Variants in CGNL1 observed in about 807,000 individuals in gnomAD.
CGNL1 encodes cingulin-like protein 1.
In CGNL1, 132 loss-of-function variants were observed where a neutral mutation model predicts 141.2. The ratio of observed to expected loss-of-function variants is 0.93; its 90% CI spans 0.81 to 1.08. The LOEUF (loss-of-function observed/expected upper bound fraction) is 1.08. Among genes scored for constraint, CGNL1 ranks in the 50% least tolerant of loss-of-function variants. CGNL1 has a pLI of 0.00. For synonymous variants in CGNL1, 690 were observed against 622.1 expected (o/e 1.11, Z -1.63); for missense variants, 1,870 against 1,588.6 (o/e 1.18, Z -3.01).
intron 4 of CGNL1, among the ~76,000 whole-genome samples, chr15:57,446,439 G>GAATTTTACATACATAA (rs1360753882): frequency 6.6e-6 from 1 of 151,926 alleles, no homozygotes; most frequent in East Asian, 1.9e-4. Flanking sequence ...TGCCTTTCTT[G>GAATTTTACATACATAA]AATTTTACAT....
intron 8 of CGNL1, among the ~76,000 whole-genome samples, chr15:57,467,970 A>G (rs2063530812): frequency 6.6e-6 from 1 of 152,170 alleles, no homozygotes. Flanking sequence ...GATTACAGGC[A>G]TGAGCCACCA....
chr15:57,438,419 TC>T lies in CGNL1; in HGVS notation c.421del (p.His141ThrfsTer3). ...DRKDGSVKPS[H>X]LLNFQRHPEL... Reference sequence around the variant, plus strand: ...GCAAAGACGGGTCTGTGAAGCCATCTCACCTGCTGAACTTTCAGAGGCATCC... The same window carrying T: ...GCAAAGACGGGTCTGTGAAGCCATCTACCTGCTGAACTTTCAGAGGCATCC... On this transcript the variant is annotated frameshift_variant, in exon 2 of 19. Coordinates refer to ENST00000281282, the MANE Select transcript of CGNL1 (RefSeq NM_032866.5). LOFTEE classifies it high-confidence loss of function. The T allele has an allele frequency of 6.2e-7, 1 of 1,614,178 alleles. No homozygotes were observed. The highest frequency in any genetic ancestry group is 8.5e-7 in the Non-Finnish European group (1 of 1,180,030).
intron 8 of CGNL1, among the ~76,000 whole-genome samples, chr15:57,480,603 A>T (rs2063713481): frequency 6.6e-6 from 1 of 152,226 alleles, no homozygotes; most frequent in African/African-American, 2.4e-5. Flanking sequence ...GGGGGAAAAT[A>T]CCATAGTCCA....
intron 8 of CGNL1, among the ~76,000 whole-genome samples, chr15:57,474,003 C>A (rs377200411): frequency 6.7e-6 from 1 of 149,102 alleles, no homozygotes; most frequent in Non-Finnish European, 1.5e-5. Flanking sequence ...CTCTCCCTCC[C>A]GGGTTCAAGC....
At chr15:57,485,499 A>C (rs1027211091) in intron 8 of CGNL1, among the ~76,000 whole-genome samples, 1 of 152,342 alleles carries the variant, frequency 6.6e-6, no homozygotes, top group Middle Eastern at 3.4e-3. Flanking sequence ...GAGTTATACA[A>C]AAAATAGGAA....
chr15:57,424,075 G>A (rs1375839124), intron 1 of CGNL1, among the ~76,000 whole-genome samples: 6 of 152,148 alleles, frequency 3.9e-5, no homozygotes, highest in East Asian at 1.9e-4. Context: ...TCAGGCCCAC[G>A]ACACCCTGTG....
intron 4 of CGNL1, among the ~76,000 whole-genome samples, chr15:57,448,726 C>T (rs1245036133): frequency 6.6e-6 from 1 of 151,670 alleles, no homozygotes; most frequent in Non-Finnish European, 1.5e-5. Context: ...ATTTGTAGTC[C>T]TTATCTGTTA....
intron 8 of CGNL1, among the ~76,000 whole-genome samples, chr15:57,516,240 C>T (rs181605719): frequency 2.0e-5 from 3 of 151,240 alleles, no homozygotes; most frequent in African/African-American, 4.9e-5. Flanking sequence ...TGTCAGAAAG[C>T]GAGGGTTATG....
chr15:57,540,852 C>G (rs75916053), intron 14 of CGNL1, among the ~76,000 whole-genome samples: 1 of 152,230 alleles, frequency 6.6e-6, no homozygotes, highest in Non-Finnish European at 1.5e-5. Flanking sequence ...CCCATCCTAT[C>G]GTTCTGAGAC....
intron 8 of CGNL1, among the ~76,000 whole-genome samples, chr15:57,487,542 T>C (rs967950547): frequency 3.9e-4 from 59 of 152,226 alleles, no homozygotes; most frequent in African/African-American, 1.4e-3. Flanking sequence ...AATATAAGTG[T>C]CATTGGTTGT....
Position 57,438,384 on chromosome 15 carries a change from G to C in CGNL1, c.385G>C (p.Val129Leu), listed in dbSNP as rs2063135103. Reference protein sequence around the residue: ...QPLLHEGKNGVLDRKDGSVKP... With the variant: ...QPLLHEGKNGLLDRKDGSVKP... Reference sequence around the variant, plus strand: ...CCTGCTCCATGAGGGCAAGAATGGAGTTCTAGATCGCAAAGACGGGTCTGT... The same window carrying C: ...CCTGCTCCATGAGGGCAAGAATGGACTTCTAGATCGCAAAGACGGGTCTGT... The change falls in exon 2 of 19, where the codon GTT becomes CTT. Residue 129 changes from valine to leucine, a missense_variant. Coordinates refer to ENST00000281282, the MANE Select transcript of CGNL1 (RefSeq NM_032866.5). 6.2e-7 allele frequency: 1 copy of C among 1,614,054 alleles called. No homozygotes were observed. Among genetic ancestry groups the C allele is most frequent in the South Asian group, 1.1e-5 (1 of 91,086 alleles).
intron 1 of CGNL1, among the ~76,000 whole-genome samples, chr15:57,418,681 T>G (rs1262029871): frequency 6.6e-6 from 1 of 152,204 alleles, no homozygotes; most frequent in African/African-American, 2.4e-5. Context: ...CTTACTGGGC[T>G]TCTCTTTATG....
At chr15:57,530,709 C>T (rs190003681) in intron 13 of CGNL1, among the ~76,000 whole-genome samples, 78 of 152,334 alleles carry the variant, frequency 5.1e-4, no homozygotes, top group African/African-American at 1.8e-3. Context: ...GGTTTTCTAA[C>T]TTCCCTATAG....
At chr15:57,488,831 A>G (rs1410162693) in intron 8 of CGNL1, among the ~76,000 whole-genome samples, 2 of 152,224 alleles carry the variant, frequency 1.3e-5, no homozygotes, top group Non-Finnish European at 2.9e-5. Context: ...AGCTGACACA[A>G]ATGACTTCCG....
intron 1 of CGNL1, among the ~76,000 whole-genome samples, chr15:57,382,098 T>C (rs1169122677): frequency 1.3e-5 from 2 of 152,220 alleles, no homozygotes; most frequent in Non-Finnish European, 2.9e-5. Context: ...AAAACGAAGC[T>C]GTGCACATCC....
chr15:57,406,386 G>A (rs565796207), intron 1 of CGNL1, among the ~76,000 whole-genome samples: 1 of 152,156 alleles, frequency 6.6e-6, no homozygotes, highest in Non-Finnish European at 1.5e-5. Flanking sequence ...GAGGGTGGGG[G>A]TTCTAAGAGA....
chr15:57,423,990 T>C (rs1341889949), intron 1 of CGNL1, among the ~76,000 whole-genome samples: 1 of 152,188 alleles, frequency 6.6e-6, no homozygotes, highest in Non-Finnish European at 1.5e-5. Flanking sequence ...GCTCCTCCAG[T>C]CCCCGGCTTT....
chr15:57,527,602 C>T (rs1445596142), intron 12 of CGNL1: 1 of 152,272 alleles, frequency 6.6e-6, no homozygotes, highest in Non-Finnish European at 1.5e-5. Flanking sequence ...CAGGGAGCTT[C>T]TAGAGAAGTT....
At chr15:57,453,596 T>C (rs2063345122) in intron 6 of CGNL1, 87 bp from the exon 7 acceptor site, 2 of 1,531,880 alleles carry the variant, frequency 1.3e-6, no homozygotes, top group African/African-American at 2.7e-5. Context: ...TAGAGACTTG[T>C]GTAACCCTCT....
Sources: allele counts gnomAD v4.1 joint callset (sites outside exome capture counted in the v4.1 genomes callset), GRCh38; gene constraint gnomAD v4.1.1; transcripts MANE v1.5; gene names NCBI Gene and HGNC (gene_info 2026-07-23, HGNC 2026-07-21).